The following RASGEF1C variants were observed in gnomAD, a reference collection of about 807,000 sequenced individuals.
The protein encoded by RASGEF1C is ras-GEF domain-containing family member 1C.
In RASGEF1C, 27 loss-of-function variants were observed where a neutral mutation model predicts 58.1. That is an observed-to-expected ratio of 0.46 (90% CI 0.34 to 0.64). The LOEUF is 0.64. Ranked by LOEUF, RASGEF1C falls within the 30% of genes least tolerant of loss-of-function variation. The probability of loss-of-function intolerance (pLI) is 0.01; values close to 1 mark genes in which losing one functional copy is unlikely to be tolerated. For synonymous variants in RASGEF1C, 243 were observed against 246.3 expected, an observed-to-expected ratio of 0.99 and a Z score of 0.13; for missense variants, 502 against 605.1, an observed-to-expected ratio of 0.83 and a Z score of 1.79.
At chr5:180,112,628 G>A (rs1442005705) in intron 11 of RASGEF1C, among the ~76,000 whole-genome samples, 3 of 152,250 alleles carry the variant, frequency 2.0e-5, no homozygotes, top group African/African-American at 7.2e-5. Context: ...GGTGGGGCTG[G>A]CTCTCAGTGG....
intron 6 of RASGEF1C, among the ~76,000 whole-genome samples, chr5:180,121,668 CACACACACACACA>C (rs140161379): frequency 0.27 from 32,951 of 120,264 alleles, 4,456 homozygotes; most frequent in East Asian, 0.49. Flanking sequence ...CACACACACA[CACACACACACACA>C]CCCTCATTAT....
intron 1 of RASGEF1C, among the ~76,000 whole-genome samples, chr5:180,174,568 GTGTGTCTGTGTGTGCGCA>G (rs1468446339): frequency 1.1e-4 from 16 of 145,790 alleles, no homozygotes; most frequent in African/African-American, 3.6e-4. Flanking sequence ...GTGTGTGCAC[GTGTGTCTGTGTGTGCGCA>G]CGTGTGTGTG....
chr5:180,173,773 C>T lies in RASGEF1C; in HGVS notation c.-7+35255G>A, dbSNP rs554291172. 8.0e-4 allele frequency among the ~76,000 whole-genome samples: 122 copies of T among 152,038 alleles called. 1 individual carries two copies. The highest frequency in any genetic ancestry group is 1.3e-3 in the Non-Finnish European group (86 of 67,970). ...ACTAAAAATACAGAAATTAGCTGGG[C>T]GTGGTGGTGGGCGCCTGTAATCCCA... is the stretch of plus-strand genomic sequence containing the variant. On this transcript the variant is annotated intron_variant, in intron 1 of 13. Transcript: ENST00000361132.
intron 1 of RASGEF1C, among the ~76,000 whole-genome samples, chr5:180,188,890 G>C (rs532715403): frequency 5.6e-4 from 85 of 152,216 alleles, no homozygotes; most frequent in African/African-American, 2.0e-3. Flanking sequence ...CGAATACCCA[G>C]CAATCCACTT....
chr5:180,111,381 G>C, intron 12 of RASGEF1C, 76 bp downstream of exon 12: 1 of 1,595,616 alleles, frequency 6.3e-7, no homozygotes, highest in South Asian at 1.1e-5. Flanking sequence ...TCAGAGCAGG[G>C]GTCCTGAATG....
intron 1 of RASGEF1C, among the ~76,000 whole-genome samples, chr5:180,154,070 C>T (rs1034208781): frequency 2.6e-5 from 4 of 152,150 alleles, no homozygotes; most frequent in South Asian, 2.1e-4. Flanking sequence ...TCTCAGAGTC[C>T]ACGATTCTGT....
intron 1 of RASGEF1C, among the ~76,000 whole-genome samples, chr5:180,152,510 C>T (rs1269543634): frequency 7.5e-6 from 1 of 133,702 alleles, no homozygotes; most frequent in South Asian, 2.3e-4. Context: ...GGGAATTGAA[C>T]AATGAGAACA....
intron 1 of RASGEF1C, among the ~76,000 whole-genome samples, chr5:180,149,088 C>CTTTTTTTTTTTTT (rs61204210): frequency 6.4e-5 from 7 of 110,130 alleles, no homozygotes; most frequent in African/African-American, 1.3e-4. Flanking sequence ...CTTTTTTTTT[C>CTTTTTTTTTTTTT]TTTTTTTTTT....
At chr5:180,200,578 G>C (rs1013661284) in intron 1 of RASGEF1C, among the ~76,000 whole-genome samples, 3 of 152,014 alleles carry the variant, frequency 2.0e-5, no homozygotes, top group Non-Finnish European at 4.4e-5. Flanking sequence ...TTCCCAAAGT[G>C]CTGGGATTAC....
chr5:180,151,027 TC>T (rs1766738028), intron 1 of RASGEF1C, among the ~76,000 whole-genome samples: 1 of 151,342 alleles, frequency 6.6e-6, no homozygotes, highest in East Asian at 1.9e-4. Context: ...AAGGACCTCT[TC>T]AAGGAGAACT....
At chr5:180,167,187 C>G (rs780301893) in intron 1 of RASGEF1C, among the ~76,000 whole-genome samples, 1 of 152,198 alleles carries the variant, frequency 6.6e-6, no homozygotes, top group Non-Finnish European at 1.5e-5. Flanking sequence ...TCCTGTCCTT[C>G]TGAGACTCTA....
Position 180,138,057 on chromosome 5 carries a change from G to T in RASGEF1C, c.-5C>A. ...GGCACTCAGCGTCTGTGGCATGTCTGCCTGCAATGGCAAGGAGCAGTGAGG... is the reference window on the plus strand; with the variant it reads ...GGCACTCAGCGTCTGTGGCATGTCTTCCTGCAATGGCAAGGAGCAGTGAGG... On this transcript the variant is annotated splice_region_variant and 5_prime_UTR_variant, in exon 2 of 14. Coordinates refer to ENST00000361132, the MANE Select transcript of RASGEF1C (RefSeq NM_175062.4). 6.7e-7 allele frequency: 1 copy of T among 1,487,970 alleles called. No homozygotes were observed. The highest frequency in any genetic ancestry group is 8.9e-7 in the Non-Finnish European group (1 of 1,122,164). 92.2% of individuals were successfully genotyped at this position (1,487,970 alleles called of 1,614,324 possible).
At chr5:180,169,728 A>C (rs935291187) in intron 1 of RASGEF1C, among the ~76,000 whole-genome samples, 4 of 151,994 alleles carry the variant, frequency 2.6e-5, no homozygotes, top group African/African-American at 9.7e-5. Flanking sequence ...CTCATTGGCT[A>C]CGTCACACAA....
At chr5:180,150,807 C>G (rs1766733778) in intron 1 of RASGEF1C, among the ~76,000 whole-genome samples, 1 of 152,070 alleles carries the variant, frequency 6.6e-6, no homozygotes. Context: ...GATTGTATAT[C>G]TAGAAAACCC....
rs750377437 is a variant in RASGEF1C, at chr5:180,128,535, C to T, written c.514G>A (p.Gly172Ser). The T allele has an allele frequency of 3.1e-6, 5 of 1,614,158 alleles. No individual in the cohort carries two copies. The South Asian group carries it at 4.4e-5, about 14-fold the overall frequency. The change falls in exon 5 of 14, where the codon GGT becomes AGT. Residue 172 changes from glycine to serine, a missense_variant. Coordinates refer to ENST00000361132, the MANE Select transcript of RASGEF1C (RefSeq NM_175062.4). ...ATGGGCTTGTCGGCACCCACCAGACCTTCTGGCCCCTGGCGCAGAGCCGCC... is the reference window on the plus strand; with the variant it reads ...ATGGGCTTGTCGGCACCCACCAGACTTTCTGGCCCCTGGCGCAGAGCCGCC... Reference protein sequence around the residue: ...KLAALRQGPEGLVGADKPISY... With the variant: ...KLAALRQGPESLVGADKPISY...
intron 10 of RASGEF1C, among the ~76,000 whole-genome samples, chr5:180,116,637 A>AG (rs1357345596): frequency 2.0e-5 from 3 of 152,246 alleles, no homozygotes; most frequent in Non-Finnish European, 4.4e-5. Flanking sequence ...CTCAGAACAC[A>AG]GGCATCCGAA....
At chr5:180,171,899 G>A (rs1767113672) in intron 1 of RASGEF1C, among the ~76,000 whole-genome samples, 1 of 152,130 alleles carries the variant, frequency 6.6e-6, no homozygotes, top group East Asian at 1.9e-4. Flanking sequence ...CCTGGCTGTG[G>A]GGCGGGCCCC....
chr5:180,136,987 G>C (rs1231710723), intron 3 of RASGEF1C, among the ~76,000 whole-genome samples: 1 of 152,200 alleles, frequency 6.6e-6, no homozygotes, highest in Non-Finnish European at 1.5e-5. Flanking sequence ...TGGTAGGTGA[G>C]CCTGGTGCGG....
rs933213635 is a variant in RASGEF1C at position 180,132,058 on chromosome 5, T to C, written c.439-3448A>G. 5.3e-5 allele frequency among the ~76,000 whole-genome samples: 8 copies of C among 152,302 alleles called. No homozygotes were observed. In the South Asian group the frequency reaches 1.7e-3, roughly 32 times the overall value. On this transcript the variant is annotated intron_variant, in intron 4 of 13. Transcript: ENST00000361132. Reference sequence around the variant, plus strand: ...GATAGGAGCTTGGAGATCTCGCTGGTAGATAAGGGCAGGGCCAGAGACCTG... The same window carrying C: ...GATAGGAGCTTGGAGATCTCGCTGGCAGATAAGGGCAGGGCCAGAGACCTG...
Sources: gnomAD v4.1 joint callset for allele counts (sites outside exome capture counted in the v4.1 genomes callset) on GRCh38, gnomAD v4.1.1 for gene constraint, MANE v1.5 for transcripts, NCBI Gene and HGNC (gene_info 2026-07-23, HGNC 2026-07-21) for gene names.